The following SIAE variants were observed in gnomAD, a reference collection of about 807,000 sequenced individuals.
The protein encoded by SIAE is sialate O-acetylesterase.
In SIAE, 39 loss-of-function variants were observed where a neutral mutation model predicts 52.6. That is an observed-to-expected ratio of 0.74 (90% CI 0.57 to 0.97). SIAE has a LOEUF of 0.97. Ranked by LOEUF, SIAE falls within the 50% of genes least tolerant of loss-of-function variation. The probability of loss-of-function intolerance (pLI) is 0.00; values close to 1 mark genes in which losing one functional copy is unlikely to be tolerated. For missense variants in SIAE, 592 were observed against 662.1 expected (o/e 0.89, Z 1.16); for synonymous variants, 233 against 241.4 (o/e 0.97, Z 0.32).
chr11:124,661,242 G>A (rs1044595562), intron 2 of SIAE, among the ~76,000 whole-genome samples: 4 of 152,060 alleles, frequency 2.6e-5, no homozygotes, highest in Admixed American at 2.6e-4. Flanking sequence ...ATGATAATCT[G>A]GAACTTCCCC....
intron 4 of SIAE, chr11:124,654,246 G>A: frequency 1.0e-6 from 1 of 985,420 alleles, no homozygotes; most frequent in Non-Finnish European, 1.2e-6. Flanking sequence ...AAACCACAGT[G>A]CCTAAGGGAT....
At chr11:124,672,625 C>A (rs538663031) in intron 1 of SIAE, among the ~76,000 whole-genome samples, 2 of 152,184 alleles carry the variant, frequency 1.3e-5, no homozygotes, top group South Asian at 4.1e-4. Flanking sequence ...TAACTGAAAA[C>A]CTAATAAAAT....
chr11:124,646,431 G>C (rs1942936051), intron 7 of SIAE, among the ~76,000 whole-genome samples: 1 of 152,150 alleles, frequency 6.6e-6, no homozygotes, highest in Admixed American at 6.5e-5. Context: ...GTCACAGAAG[G>C]CTTCCTAACT....
chr11:124,665,914 A>G (rs1388002724), intron 2 of SIAE, among the ~76,000 whole-genome samples: 1 of 152,204 alleles, frequency 6.6e-6, no homozygotes, highest in Non-Finnish European at 1.5e-5. Context: ...TAAGGTAGAG[A>G]AAATATATCT....
intron 1 of SIAE, 103 bp downstream of exon 1, chr11:124,673,539 G>A: frequency 7.2e-6 from 10 of 1,383,862 alleles, no homozygotes; most frequent in Non-Finnish European, 1.0e-5. Context: ...TTCCTTCGTC[G>A]ACCTTGAGAA....
chr11:124,673,728 C>T lies in SIAE; in HGVS notation c.-20G>A, dbSNP rs200992862. 1.9e-6 allele frequency: 3 copies of T among 1,612,152 alleles called. No individual in the cohort carries two copies. Among genetic ancestry groups the T allele is most frequent in the Middle Eastern group, 1.7e-4 (1 of 6,058 alleles). On this transcript the variant is annotated 5_prime_UTR_variant, in exon 1 of 10. Transcript: ENST00000263593. Reference sequence around the variant, plus strand: ...GACCATGCTTGCAAGGATCTGACCGCCGCCTAGGACTGGGAAAGTGGGTTC... The same window carrying T: ...GACCATGCTTGCAAGGATCTGACCGTCGCCTAGGACTGGGAAAGTGGGTTC...
chr11:124,647,996 G>A (rs920059086), intron 6 of SIAE, 70 bp downstream of exon 6: 54 of 1,175,626 alleles, frequency 4.6e-5, no homozygotes, highest in Non-Finnish European at 5.5e-5. Flanking sequence ...AAGCCACTAC[G>A]TTCTAGGGTG....
rs761915808 is a variant in SIAE, at chr11:124,636,353, G to T, written c.*598C>A. On this transcript the variant is annotated 3_prime_UTR_variant, in exon 10 of 10. Coordinates refer to ENST00000263593, the MANE Select transcript of SIAE (RefSeq NM_170601.5). ...TTATCTGATAGTAGTAAAGTTTCAC[G>T]GGAGAAAGAAAGATTTCGGTTCCAC... 1 of 156,694 alleles carries T rather than the reference G, an allele frequency of 6.4e-6. No individual in the cohort carries two copies. Among genetic ancestry groups the T allele is most frequent in the Admixed American group, 6.1e-5 (1 of 16,430 alleles). The allele number at this position is 156,694 out of a possible 1,614,324, so 9.7% of individuals were successfully genotyped here.
chr11:124,655,191 G>A (rs79869346), intron 3 of SIAE, among the ~76,000 whole-genome samples: 3 of 88,052 alleles, frequency 3.4e-5, no homozygotes, highest in African/African-American at 1.1e-4. Flanking sequence ...TTTTTTTTTT[G>A]TGTGTGAGAC....
intron 7 of SIAE, among the ~76,000 whole-genome samples, chr11:124,640,421 T>C (rs1242399470): frequency 1.3e-5 from 2 of 152,196 alleles, no homozygotes; most frequent in East Asian, 1.9e-4. Context: ...GCTGGTATCA[T>C]GTAGGGCAGA....
At chr11:124,671,846 C>T (rs974105178) in intron 1 of SIAE, among the ~76,000 whole-genome samples, 2 of 152,102 alleles carry the variant, frequency 1.3e-5, no homozygotes, top group African/African-American at 4.8e-5. Context: ...ACTGCAACCT[C>T]CGCCTCTGGG....
chr11:124,672,945 T>C (rs953023363), intron 1 of SIAE, among the ~76,000 whole-genome samples: 4 of 152,170 alleles, frequency 2.6e-5, no homozygotes, highest in African/African-American at 9.7e-5. Context: ...ATCAGACAGA[T>C]TGCACCTTCT....
upstream of SIAE, chr11:124,675,562 A>G (rs755223915): frequency 5.2e-6 from 4 of 771,712 alleles, no homozygotes; most frequent in African/African-American, 1.8e-5. Context: ...TCTTTGAAAC[A>G]GTATGTACCT....
chr11:124,637,699 A>G (rs1942774228), intron 9 of SIAE, among the ~76,000 whole-genome samples: 3 of 152,214 alleles, frequency 2.0e-5, no homozygotes, highest in African/African-American at 7.2e-5. Context: ...GCAACTGACT[A>G]AAGAGAAGAG....
intron 4 of SIAE, among the ~76,000 whole-genome samples, chr11:124,653,903 G>A (rs1943054629): frequency 6.6e-6 from 1 of 152,242 alleles, no homozygotes; most frequent in African/African-American, 2.4e-5. Context: ...GAGTGGCCGG[G>A]TGCAGTGGCT....
At chr11:124,637,711 T>C (rs1045783926) in intron 9 of SIAE, among the ~76,000 whole-genome samples, 25 of 152,132 alleles carry the variant, frequency 1.6e-4, no homozygotes, top group African/African-American at 5.3e-4. Flanking sequence ...AGAGAAGAGC[T>C]CAGAATGCAG....
At chr11:124,672,425 A>G (rs562455511) in intron 1 of SIAE, among the ~76,000 whole-genome samples, 27 of 152,256 alleles carry the variant, frequency 1.8e-4, no homozygotes, top group African/African-American at 6.0e-4. Flanking sequence ...ATTGTTACAT[A>G]TAATTTTGTA....
At position 124,637,092 on chromosome 11, in the gene SIAE, A is replaced by C. The variant is rs1231671630; in HGVS notation, c.1431T>G (p.Ala477=). ...AIDSCHGTVV[A]LRYAWTTWPC... is the part of the protein sequence containing the mutation. ...GCCACGTGGTCCAAGCATAGCGGAGAGCAACCACAGTGCCATGACAAGAAT... is the reference window on the plus strand; with the variant it reads ...GCCACGTGGTCCAAGCATAGCGGAGCGCAACCACAGTGCCATGACAAGAAT... Residue 477 remains alanine, a synonymous_variant, in exon 10 of 10, where the codon GCT becomes GCG. Coordinates refer to ENST00000263593, the MANE Select transcript of SIAE (RefSeq NM_170601.5). 6.2e-7 allele frequency: 1 copy of C among 1,614,046 alleles called. No individual in the cohort carries two copies. Among genetic ancestry groups the C allele is most frequent in the Non-Finnish European group, 8.5e-7 (1 of 1,180,040 alleles).
At chr11:124,669,264 A>G (rs1381892348) in intron 2 of SIAE, 96 bp downstream of exon 2, 1 of 1,452,802 alleles carries the variant, frequency 6.9e-7, no homozygotes, top group East Asian at 2.3e-5. Context: ...GTAGGGACGG[A>G]TGGATAATGT....
Sources: allele counts gnomAD v4.1 joint callset (sites outside exome capture counted in the v4.1 genomes callset), GRCh38; gene constraint gnomAD v4.1.1; transcripts MANE v1.5; gene names NCBI Gene and HGNC (gene_info 2026-07-23, HGNC 2026-07-21).